The following KLF8 variants were observed in gnomAD, a reference collection of about 807,000 sequenced individuals.
The protein encoded by KLF8 is KLF transcription factor 8, also known as Krueppel-like factor 8.
KLF8 carries 10 observed loss-of-function variants against 18.2 expected under a neutral mutation model. The ratio of observed to expected loss-of-function variants is 0.55; its 90% CI spans 0.34 to 0.93. KLF8 has a LOEUF of 0.93. Ranked by LOEUF, KLF8 falls within the 40% of genes least tolerant of loss-of-function variation. The pLI, the probability that KLF8 is intolerant of heterozygous loss-of-function variation, is 0.02. For missense variants in KLF8, 264 were observed against 277.9 expected (o/e 0.95, Z 0.36); for synonymous variants, 109 against 97.3 (o/e 1.12, Z -0.71).
At chrX:56,273,758 C>T (rs1478057347) in intron 5 of KLF8, among the ~76,000 whole-genome samples, 1 of 111,533 alleles carries the variant, frequency 9.0e-6, no homozygotes, top group Non-Finnish European at 1.9e-5. Flanking sequence ...AAGAGGAAGC[C>T]CTCCTTTCTT....
chrX:55,923,877 T>C, the KLF8 span, among the ~76,000 whole-genome samples: 3 of 111,152 alleles, frequency 2.7e-5, no homozygotes, highest in Non-Finnish European at 5.7e-5. Flanking sequence ...AAAGCCCTTC[T>C]TGATGTTCCT....
At position 56,290,896 on chromosome X, in the gene KLF8, A is replaced by G. The variant is rs1268536462; in HGVS notation, c.*6402A>G. ...TGTTGGGGTGGGGTCAGGGGAAGAG[A>G]TACTATTTTGTTAACTGTTAAAAGC... On this transcript the variant is annotated 3_prime_UTR_variant, in exon 6 of 6. Transcript: ENST00000468660. Among the ~76,000 whole-genome samples, 1 of 111,220 alleles carries G rather than the reference A, an allele frequency of 9.0e-6. No homozygotes were observed. The highest frequency in any genetic ancestry group is 3.3e-5 in the African/African-American group (1 of 30,561).
At chrX:56,249,481 TTAAGC>T in intron 1 of KLF8, among the ~76,000 whole-genome samples, 1 of 111,970 alleles carries the variant, frequency 8.9e-6, no homozygotes, top group East Asian at 2.8e-4. Flanking sequence ...GGAGGAAGCT[TTAAGC>T]TAACCTTAAT....
At chrX:56,097,554 C>T in the KLF8 span, among the ~76,000 whole-genome samples, 12 of 106,126 alleles carry the variant, frequency 1.1e-4, no homozygotes, top group Admixed American at 2.1e-4. Flanking sequence ...TTTTAGGGTA[C>T]ATGTGCGCAA....
the KLF8 span, among the ~76,000 whole-genome samples, chrX:56,180,526 G>A: frequency 5.1e-4 from 56 of 110,341 alleles, no homozygotes; most frequent in African/African-American, 1.7e-3. Context: ...GTTTGCTCTT[G>A]CTTCTCTAGT....
chrX:56,107,515 A>G, the KLF8 span, among the ~76,000 whole-genome samples: 1 of 111,483 alleles, frequency 9.0e-6, no homozygotes, highest in Non-Finnish European at 1.9e-5. Context: ...TGGACATGGG[A>G]CCCGCCAAGC....
chrX:56,118,865 A>G, the KLF8 span, among the ~76,000 whole-genome samples: 2 of 111,809 alleles, frequency 1.8e-5, no homozygotes, highest in African/African-American at 6.5e-5. Flanking sequence ...GATTGTATTT[A>G]TATATTCATT....
At chrX:55,980,161 A>G in the KLF8 span, among the ~76,000 whole-genome samples, 3 of 111,742 alleles carry the variant, frequency 2.7e-5, no homozygotes, top group Non-Finnish European at 5.6e-5. Context: ...CAGTATAAGG[A>G]TGAAAAGGAG....
chrX:56,241,449 G>A (rs2066543839), intron 1 of KLF8, among the ~76,000 whole-genome samples: 1 of 112,005 alleles, frequency 8.9e-6, no homozygotes, highest in African/African-American at 3.2e-5. Context: ...CTACAGGCAT[G>A]AGCCACCGCA....
At chrX:56,085,657 C>A in the KLF8 span, among the ~76,000 whole-genome samples, 1 of 111,883 alleles carries the variant, frequency 8.9e-6, no homozygotes, top group Non-Finnish European at 1.9e-5. Flanking sequence ...ACTGGGCATC[C>A]CATGATTCAA....
the KLF8 span, among the ~76,000 whole-genome samples, chrX:56,176,128 A>T: frequency 9.0e-6 from 1 of 111,730 alleles, no homozygotes; most frequent in Admixed American, 9.6e-5. Context: ...ATGTGATGTG[A>T]ATTTGATCCT....
the KLF8 span, among the ~76,000 whole-genome samples, chrX:56,073,760 T>TA: frequency 9.2e-6 from 1 of 109,173 alleles, no homozygotes; most frequent in Non-Finnish European, 1.9e-5. Context: ...TTTTTTTTTT[T>TA]TTTGGAAAGA....
the KLF8 span, among the ~76,000 whole-genome samples, chrX:55,992,322 G>T: frequency 8.9e-6 from 1 of 112,316 alleles, no homozygotes; most frequent in East Asian, 2.8e-4. Flanking sequence ...CATATGTCTA[G>T]CCAGTTATCC....
chrX:55,938,384 T>A, the KLF8 span, among the ~76,000 whole-genome samples: 1 of 111,112 alleles, frequency 9.0e-6, no homozygotes, highest in Non-Finnish European at 1.9e-5. Flanking sequence ...GCACTAAACA[T>A]GGAAAGGAAA....
chrX:56,217,082 C>T, the KLF8 span, among the ~76,000 whole-genome samples: 1 of 111,715 alleles, frequency 9.0e-6, no homozygotes, highest in African/African-American at 3.3e-5. Flanking sequence ...TTCTCCTGGC[C>T]CATGGTAGCC....
At chrX:56,170,477 G>C in the KLF8 span, among the ~76,000 whole-genome samples, 1 of 110,063 alleles carries the variant, frequency 9.1e-6, no homozygotes, top group Non-Finnish European at 1.9e-5. Context: ...TCAGACAAAT[G>C]TAACAAAGAG....
chrX:56,195,878 G>T, the KLF8 span, among the ~76,000 whole-genome samples: 67 of 111,900 alleles, frequency 6.0e-4, no homozygotes, highest in East Asian at 0.018. Flanking sequence ...ATTAACAGTG[G>T]ATCTCCTGGC....
the KLF8 span, among the ~76,000 whole-genome samples, chrX:56,134,610 A>G: frequency 8.9e-6 from 1 of 111,784 alleles, no homozygotes; most frequent in Non-Finnish European, 1.9e-5. Flanking sequence ...CAAAGACTTC[A>G]TGACCAAGAA....
At chrX:56,218,845 A>T in the KLF8 span, among the ~76,000 whole-genome samples, 1 of 112,195 alleles carries the variant, frequency 8.9e-6, no homozygotes, top group Admixed American at 9.5e-5. Flanking sequence ...AGATTAAAAA[A>T]TCCATTTGGT....
Sources: allele counts gnomAD v4.1 joint callset (sites outside exome capture counted in the v4.1 genomes callset), GRCh38; gene constraint gnomAD v4.1.1; transcripts MANE v1.5; gene names NCBI Gene and HGNC (gene_info 2026-07-23, HGNC 2026-07-21).